EXOC2: variants seen among roughly 807,000 people sequenced by gnomAD.
The protein encoded by EXOC2 is SEC5-like 1.
Under a neutral mutation model 131.8 loss-of-function variants are expected in EXOC2, and 70 were observed. The ratio of observed to expected loss-of-function variants is 0.53; its 90% CI spans 0.44 to 0.65. The LOEUF (loss-of-function observed/expected upper bound fraction) is 0.65, where lower values mean the gene tolerates loss of function less well. EXOC2 is among the 30% of genes least tolerant of loss of function. The pLI is 0.00. For synonymous variants in EXOC2, 411 were observed against 398.4 expected (o/e 1.03, Z -0.38); for missense variants, 923 against 1,108.6 (o/e 0.83, Z 2.38).
At chr6:560,671 T>C (rs1334736348) in intron 17 of EXOC2, among the ~76,000 whole-genome samples, 2 of 152,098 alleles carry the variant, frequency 1.3e-5, no homozygotes, top group East Asian at 1.9e-4. Context: ...ATACAAATAA[T>C]TGTGACGAAT....
intron 20 of EXOC2, among the ~76,000 whole-genome samples, 158 bp downstream of exon 20, chr6:555,069 A>G (rs1459109761): frequency 6.6e-6 from 1 of 152,208 alleles, no homozygotes; most frequent in Non-Finnish European, 1.5e-5. Context: ...AAACTATGGA[A>G]AGAATATAGG....
intron 25 of EXOC2, among the ~76,000 whole-genome samples, chr6:492,577 C>T (rs1014850161): frequency 8.5e-5 from 13 of 152,190 alleles, no homozygotes; most frequent in South Asian, 4.1e-4. Context: ...TAAAAAGAAG[C>T]GAGGCACTGG....
intron 23 of EXOC2, among the ~76,000 whole-genome samples, chr6:529,116 AC>A (rs11458521): frequency 0.17 from 22,653 of 134,538 alleles, 3,413 homozygotes; most frequent in African/African-American, 0.39. Context: ...CCTGCCTTTT[AC>A]CCCCCCCCGC....
intron 5 of EXOC2, among the ~76,000 whole-genome samples, chr6:618,740 GT>G (rs1316033362): frequency 2.0e-5 from 3 of 152,130 alleles, no homozygotes; most frequent in Non-Finnish European, 4.4e-5. Context: ...ATGTTTTCTA[GT>G]AATGCTTTTC....
intron 2 of EXOC2, among the ~76,000 whole-genome samples, chr6:637,038 A>G (rs1238933548): frequency 6.6e-6 from 1 of 152,206 alleles, no homozygotes; most frequent in Non-Finnish European, 1.5e-5. Flanking sequence ...CCGCCACATC[A>G]TGGAAGGAGG....
At chr6:659,246 G>A (rs1430502925) in intron 1 of EXOC2, among the ~76,000 whole-genome samples, 1 of 152,104 alleles carries the variant, frequency 6.6e-6, no homozygotes, top group East Asian at 1.9e-4. Context: ...TCAAAACACT[G>A]CTGAATAACA....
chr6:602,811 C>G (rs1760174851), intron 7 of EXOC2, among the ~76,000 whole-genome samples: 1 of 152,092 alleles, frequency 6.6e-6, no homozygotes, highest in African/African-American at 2.4e-5. Flanking sequence ...GTAGTCGGGT[C>G]TGTGGAGCAG....
intron 11 of EXOC2, among the ~76,000 whole-genome samples, chr6:579,881 TA>T (rs34781204): frequency 2.6e-5 from 4 of 151,562 alleles, no homozygotes; most frequent in African/African-American, 4.8e-5. Context: ...AGCATTTCTA[TA>T]AAAAAAAGAA....
At chr6:625,867 T>C (rs936157735) in intron 4 of EXOC2, among the ~76,000 whole-genome samples, 6 of 150,364 alleles carry the variant, frequency 4.0e-5, no homozygotes, top group Admixed American at 3.3e-4. Flanking sequence ...ACAAAAACAG[T>C]TGAGATCATA....
intron 1 of EXOC2, among the ~76,000 whole-genome samples, chr6:675,026 G>T (rs190424601): frequency 2.6e-5 from 4 of 151,952 alleles, no homozygotes; most frequent in Non-Finnish European, 4.4e-5. Context: ...ATTCCTTCCC[G>T]GGAAAACCAT....
At chr6:637,022 T>C (rs1275506720) in intron 2 of EXOC2, among the ~76,000 whole-genome samples, 2 of 152,100 alleles carry the variant, frequency 1.3e-5, no homozygotes, top group East Asian at 1.9e-4. Flanking sequence ...AGGCCATCAG[T>C]AAAGGCCGCC....
At chr6:561,172 ATTAAC>A (rs1374119105) in intron 17 of EXOC2, among the ~76,000 whole-genome samples, 1 of 152,206 alleles carries the variant, frequency 6.6e-6, no homozygotes, top group Non-Finnish European at 1.5e-5. Context: ...ACAATGATAT[ATTAAC>A]TTAAGATAGG....
At chr6:677,889 A>C (rs930115277) in intron 1 of EXOC2, among the ~76,000 whole-genome samples, 14 of 151,978 alleles carry the variant, frequency 9.2e-5, no homozygotes, top group Non-Finnish European at 1.3e-4. Flanking sequence ...TCACAGCAGG[A>C]ATCACACCTA....
chr6:527,090 C>A (rs966903881), intron 23 of EXOC2, among the ~76,000 whole-genome samples: 1 of 152,182 alleles, frequency 6.6e-6, no homozygotes, highest in African/African-American at 2.4e-5. Context: ...TGTATAAATT[C>A]ACATATACAT....
intron 1 of EXOC2, chr6:679,411 A>T (rs1764297576): frequency 6.6e-6 from 1 of 152,232 alleles, no homozygotes; most frequent in Non-Finnish European, 1.5e-5. Context: ...CTGGCCTATT[A>T]ACAACACAAG....
chr6:617,233 C>T (rs527397948), intron 6 of EXOC2, among the ~76,000 whole-genome samples: 1 of 152,170 alleles, frequency 6.6e-6, no homozygotes, highest in Non-Finnish European at 1.5e-5. Context: ...AAAGCTATGA[C>T]ATCTGTACTC....
intron 22 of EXOC2, among the ~76,000 whole-genome samples, chr6:538,597 G>A (rs568426991): frequency 1.4e-5 from 2 of 147,778 alleles, no homozygotes; most frequent in Non-Finnish European, 3.0e-5. Context: ...TTTTAGGGCA[G>A]GTGTCTCTAA....
chr6:569,791 G>A (rs1004413542), intron 13 of EXOC2, among the ~76,000 whole-genome samples: 25 of 152,154 alleles, frequency 1.6e-4, no homozygotes. Flanking sequence ...CACGTCATAG[G>A]CATATCCAAT....
intron 1 of EXOC2, among the ~76,000 whole-genome samples, chr6:677,164 A>ACT (rs753132837): frequency 8.3e-6 from 1 of 119,836 alleles, no homozygotes; most frequent in African/African-American, 2.9e-5. Flanking sequence ...TTCTCTGGAG[A>ACT]CTGCGGTTCC....
Sources: gnomAD v4.1 joint callset for allele counts (sites outside exome capture counted in the v4.1 genomes callset) on GRCh38, gnomAD v4.1.1 for gene constraint, MANE v1.5 for transcripts, NCBI Gene and HGNC (gene_info 2026-07-23, HGNC 2026-07-21) for gene names.